Variants in TIMM22 observed in about 807,000 individuals in gnomAD.
TIMM22 encodes the protein translocase of inner mitochondrial membrane 22.
In TIMM22, 12 loss-of-function variants were observed where a neutral mutation model predicts 18.3. The ratio of observed to expected loss-of-function variants is 0.65; its 90% confidence interval spans 0.42 to 1.06. TIMM22 has a LOEUF of 1.06. Among genes scored for constraint, TIMM22 ranks in the 50% least tolerant of loss-of-function variants. The pLI, the probability that TIMM22 is intolerant of heterozygous loss-of-function variation, is 0.00. For missense variants in TIMM22, 278 were observed against 252.8 expected (o/e 1.10, Z -0.68); for synonymous variants, 107 against 98.5 (o/e 1.09, Z -0.51).
In TIMM22 at chr17:1,001,688, C is replaced by G. The variant is rs994781841; in HGVS notation, c.*600C>G. The G allele has an allele frequency of 6.5e-6, 1 of 152,734 alleles. No individual in the cohort carries two copies. The highest frequency in any genetic ancestry group is 2.4e-5 in the African/African-American group (1 of 41,386). The allele number at this position is 152,734 out of a possible 1,614,324, so 9.5% of individuals were successfully genotyped here. A position where few individuals can be genotyped will look rare whatever the true frequency, so the allele number is the denominator to read the frequency against. On this transcript the variant is annotated 3_prime_UTR_variant, in exon 4 of 4. Transcript: ENST00000327158. ...AAATTCCCTATTCCAAAAATAGTGC[C>G]GGGTGGCCCAAAGATAACATCTGAA...
chr17:998,370 C>G (rs1217777895), intron 1 of TIMM22, among the ~76,000 whole-genome samples: 1 of 152,130 alleles, frequency 6.6e-6, no homozygotes, highest in Non-Finnish European at 1.5e-5. Context: ...ATCTGTCTCA[C>G]TGGATTATTG....
rs747829001 is a variant in TIMM22 at position 997,171 on chromosome 17, G to C, written c.29G>C (p.Gly10Ala). 4 of 1,610,522 alleles carry C rather than the reference G, an allele frequency of 2.5e-6. No individual in the cohort carries two copies. Among genetic ancestry groups the C allele is most frequent in the East Asian group, 4.5e-5 (2 of 44,838 alleles). Residue 10 changes from glycine to alanine, a missense_variant, in exon 1 of 4, where the codon GGC (glycine) becomes GCC (alanine). Coordinates refer to ENST00000327158, the MANE Select transcript of TIMM22 (RefSeq NM_013337.4). MAAAAPNAG[G>A]SAPETAGSAE... ...GCGGCGGCCGCCCCCAATGCCGGAG[G>C]CTCGGCCCCTGAGACAGCGGGTTCC...
rs1276964367 is a variant in TIMM22 at position 997,356 on chromosome 17, A to G, written c.214A>G (p.Lys72Glu). ...GAAGGCGATGGAAAGCTGCGCTTTC[A>G]AGGCTGCGCTGGCCTGCGTGGGAGG... ...IEKAMESCAFKAALACVGGFV... is the reference protein window; with the variant it reads ...IEKAMESCAFEAALACVGGFV... The change falls in exon 1 of 4, where the codon AAG becomes GAG. Residue 72 changes from lysine to glutamate, a missense_variant. Physicochemically the swap from Lys to Glu is moderately conservative, Grantham distance 56. Coordinates refer to ENST00000327158, the MANE Select transcript of TIMM22 (RefSeq NM_013337.4). 1 of 1,613,460 alleles carries G rather than the reference A, an allele frequency of 6.2e-7. No homozygotes were observed. Among genetic ancestry groups the G allele is most frequent in the Non-Finnish European group, 8.5e-7 (1 of 1,179,754 alleles).
At position 999,527 on chromosome 17, in the gene TIMM22, G is replaced by A. The variant is rs772351983; in HGVS notation, c.451G>A (p.Asp151Asn). 3 of 1,613,678 alleles carry A rather than the reference G, an allele frequency of 1.9e-6. No homozygotes were observed. Among genetic ancestry groups the A allele is most frequent in the South Asian group, 1.1e-5 (1 of 90,994 alleles). Residue 151 changes from aspartate (D) to asparagine (N), a missense_variant, in exon 3 of 4, where the codon GAC becomes AAC. Transcript: ENST00000327158. ...CLIESYRGTS[D>N]WKNSVISGCI... ...CTGCCCACAGTACCGGGGAACATCAGACTGGAAGAACAGTGTCATCAGTGG... is the reference window on the plus strand; with the variant it reads ...CTGCCCACAGTACCGGGGAACATCAAACTGGAAGAACAGTGTCATCAGTGG...
intron 2 of TIMM22, 59 bp downstream of exon 2, chr17:999,034 A>G: frequency 6.5e-7 from 1 of 1,536,150 alleles, no homozygotes; most frequent in Non-Finnish European, 8.8e-7. Context: ...TTACTTTTAA[A>G]GAGAAATTGC....
Position 1,001,858 on chromosome 17 carries a change from G to GTGAAATCCCATCCA in TIMM22, c.*775_*788dup, listed in dbSNP as rs2069754043. On this transcript the variant is annotated 3_prime_UTR_variant, in exon 4 of 4. Transcript: ENST00000327158. Reference sequence around the variant, plus strand: ...CAGCCCAGCCTTTTCCTGGGATGCAGTGAAATCCCATCCATGAACTCGATG... The same window carrying GTGAAATCCCATCCA: ...CAGCCCAGCCTTTTCCTGGGATGCAGTGAAATCCCATCCATGAAATCCCATCCATGAACTCGATG... 6.6e-6 allele frequency: 1 copy of GTGAAATCCCATCCA among 152,190 alleles called. No homozygotes were observed. The highest frequency in any genetic ancestry group is 2.4e-5 in the African/African-American group (1 of 41,442). 9.4% of individuals were successfully genotyped at this position (152,190 alleles called of 1,614,324 possible). A position where few individuals can be genotyped will look rare whatever the true frequency, so the allele number is the denominator to read the frequency against.
intron 3 of TIMM22, 65 bp downstream of exon 3, chr17:999,649 T>A (rs941321753): frequency 1.4e-6 from 2 of 1,466,464 alleles, no homozygotes; most frequent in Admixed American, 1.7e-5. Context: ...GGTTGTCATT[T>A]CCAAACACAC....
intron 1 of TIMM22, among the ~76,000 whole-genome samples, chr17:998,026 T>G (rs971080748): frequency 6.6e-6 from 1 of 152,090 alleles, no homozygotes; most frequent in Non-Finnish European, 1.5e-5. Context: ...TGCAGACATA[T>G]GGAAATGCAC....
intron 1 of TIMM22, among the ~76,000 whole-genome samples, chr17:998,134 T>C (rs1179136715): frequency 6.6e-6 from 1 of 152,254 alleles, no homozygotes; most frequent in Non-Finnish European, 1.5e-5. Flanking sequence ...AAGTCTGCAC[T>C]TGTCCTTCTG....
chr17:1,001,470 T>G lies in TIMM22; in HGVS notation c.*382T>G. ...GTCTCTGCAGGCACTCAGGAAGCTG[T>G]TCTACCTTGGAACTCCATGCAACTA... On this transcript the variant is annotated 3_prime_UTR_variant, in exon 4 of 4. Coordinates refer to ENST00000327158, the MANE Select transcript of TIMM22 (RefSeq NM_013337.4). The G allele has an allele frequency of 4.8e-6, 1 of 207,320 alleles. No individual in the cohort carries two copies. The highest frequency in any genetic ancestry group is 9.9e-6 in the Non-Finnish European group (1 of 100,528). 12.8% of individuals were successfully genotyped at this position (207,320 alleles called of 1,614,324 possible). A position where few individuals can be genotyped will look rare whatever the true frequency, so the allele number is the denominator to read the frequency against.
Position 1,000,242 on chromosome 17 carries a change from G to A in TIMM22, c.508+658G>A, listed in dbSNP as rs112035624. On this transcript the variant is annotated intron_variant, in intron 3 of 3. Coordinates refer to ENST00000327158, the MANE Select transcript of TIMM22 (RefSeq NM_013337.4). Reference sequence around the variant, plus strand: ...TTTAATTTTAGATATAAATTATAATGGTAATATCTTTCTGCCCTTGGGGAT... The same window carrying A: ...TTTAATTTTAGATATAAATTATAATAGTAATATCTTTCTGCCCTTGGGGAT... Among the ~76,000 whole-genome samples the A allele has an allele frequency of 3.4e-3, 522 of 151,320 alleles. 5 individuals carry two copies. Among genetic ancestry groups the A allele is most frequent in the African/African-American group, 0.011 (468 of 41,202 alleles).
chr17:998,865 C>T lies in TIMM22; in HGVS notation c.325C>T (p.Pro109Ser). 1 of 1,614,156 alleles carries T rather than the reference C, an allele frequency of 6.2e-7. No individual in the cohort carries two copies. Among genetic ancestry groups the T allele is most frequent in the South Asian group, 1.1e-5 (1 of 91,080 alleles). The change falls in exon 2 of 4, where the codon CCG (proline) becomes TCG (serine). Residue 109 changes from proline to serine, a missense_variant. Physicochemically the swap from Pro to Ser is moderately conservative, Grantham distance 74. Transcript: ENST00000327158. ...TGACCCTAAGGATCCTTACCGTACA[C>T]CGACTGCAAAAGAAGTGCTGAAAGA... ...GFDPKDPYRT[P>S]TAKEVLKDMG...
chr17:997,172 C>T lies in TIMM22; in HGVS notation c.30C>T (p.Gly10=), dbSNP rs1191105903. The part of the protein sequence containing the change: MAAAAPNAG[G]SAPETAGSAE... ...CGGCGGCCGCCCCCAATGCCGGAGGCTCGGCCCCTGAGACAGCGGGTTCCG... is the reference window on the plus strand; with the variant it reads ...CGGCGGCCGCCCCCAATGCCGGAGGTTCGGCCCCTGAGACAGCGGGTTCCG... Residue 10 remains glycine, a synonymous_variant, in exon 1 of 4, where the codon GGC becomes GGT. Coordinates refer to ENST00000327158, the MANE Select transcript of TIMM22 (RefSeq NM_013337.4). The T allele has an allele frequency of 6.2e-7, 1 of 1,610,584 alleles. No homozygotes were observed. The highest frequency in any genetic ancestry group is 8.5e-7 in the Non-Finnish European group (1 of 1,179,378).
rs749397566 is a variant in TIMM22, at chr17:1,001,130, C to T, written c.*42C>T. On this transcript the variant is annotated 3_prime_UTR_variant, in exon 4 of 4. Transcript: ENST00000327158. ...GGAAGGATGATGCCAGCCCCGGATC[C>T]GGGCTGCTCTCTGGAGGACAGTTTC... 82 of 1,605,626 alleles carry T rather than the reference C, an allele frequency of 5.1e-5. No homozygotes were observed. The highest frequency in any genetic ancestry group is 6.7e-5 in the Non-Finnish European group (79 of 1,173,928).
rs934577278 is a variant in TIMM22, at chr17:1,002,767, T to G, written c.*1679T>G. On this transcript the variant is annotated 3_prime_UTR_variant, in exon 4 of 4. Coordinates refer to ENST00000327158, the MANE Select transcript of TIMM22 (RefSeq NM_013337.4). Reference sequence around the variant, plus strand: ...TGTCAAAGTCCTAGGATGCCTGGGATCTTCCATCTTTCAGTCTAGCACGTG... The same window carrying G: ...TGTCAAAGTCCTAGGATGCCTGGGAGCTTCCATCTTTCAGTCTAGCACGTG... 1.3e-5 allele frequency: 2 copies of G among 152,310 alleles called. No homozygotes were observed. Among genetic ancestry groups the G allele is most frequent in the East Asian group, 1.9e-4 (1 of 5,178 alleles). The allele number at this position is 152,310 out of a possible 1,614,324, so 9.4% of individuals were successfully genotyped here.
chr17:1,002,844 G>A lies in TIMM22; in HGVS notation c.*1756G>A, dbSNP rs779856005. On this transcript the variant is annotated 3_prime_UTR_variant, in exon 4 of 4. Coordinates refer to ENST00000327158, the MANE Select transcript of TIMM22 (RefSeq NM_013337.4). The stretch of plus-strand genomic sequence containing the variant: ...CACAACAGCCTTGGAAAAGATGAGC[G>A]CCAGGGCTGTCAGTACCCATCGGTT... 1.9e-4 allele frequency: 29 copies of A among 152,128 alleles called. No individual in the cohort carries two copies. The highest frequency in any genetic ancestry group is 6.5e-4 in the African/African-American group (27 of 41,428). The allele number at this position is 152,128 out of a possible 1,614,324, so 9.4% of individuals were successfully genotyped here.
rs781109279 is a variant in TIMM22 at position 998,860 on chromosome 17, GTACACCGACT to G, written c.321_330del (p.Thr108GlnfsTer5). 2 of 1,613,980 alleles carry G rather than the reference GTACACCGACT, an allele frequency of 1.2e-6. No individual in the cohort carries two copies. Among genetic ancestry groups the G allele is most frequent in the African/African-American group, 2.7e-5 (2 of 74,870 alleles). On this transcript the variant is annotated frameshift_variant, in exon 2 of 4. Transcript: ENST00000327158. LOFTEE classifies it high-confidence loss of function. ...GGCTTTGACCCTAAGGATCCTTACC[GTACACCGACT>G]GCAAAAGAAGTGCTGAAAGACATGG... is the stretch of plus-strand genomic sequence containing the variant.
chr17:1,000,727 T>A (rs562654796), intron 3 of TIMM22, among the ~76,000 whole-genome samples: 1 of 152,352 alleles, frequency 6.6e-6, no homozygotes, highest in Admixed American at 6.5e-5. Context: ...TTCATTTGAT[T>A]CCGAGGGCTG....
intron 3 of TIMM22, among the ~76,000 whole-genome samples, chr17:1,000,599 C>G (rs143720717): frequency 5.3e-5 from 8 of 152,130 alleles, no homozygotes; most frequent in Non-Finnish European, 1.0e-4. Flanking sequence ...CTCCGCCGGT[C>G]GTCCCATTGT....
Sources: allele counts gnomAD v4.1 joint callset (sites outside exome capture counted in the v4.1 genomes callset), GRCh38; gene constraint gnomAD v4.1.1; transcripts MANE v1.5; gene names NCBI Gene and HGNC (gene_info 2026-07-23, HGNC 2026-07-21).